SMARCA5: variants seen among roughly 807,000 people sequenced by gnomAD.
SMARCA5 encodes the protein SWI/SNF-related matrix-associated actin-dependent regulator of chromatin subfamily A member 5.
A neutral mutation model predicts 140.4 loss-of-function variants in SMARCA5; 18 were observed. The ratio of observed to expected loss-of-function variants is 0.13; its 90% CI spans 0.09 to 0.19. SMARCA5 has a LOEUF of 0.19. SMARCA5 is among the 10% of genes least tolerant of loss of function. The probability of loss-of-function intolerance (pLI) is 1.00; values close to 1 mark genes in which losing one functional copy is unlikely to be tolerated. For synonymous variants in SMARCA5, 449 were observed against 419.6 expected, an observed-to-expected ratio of 1.07 and a Z score of -0.86; for missense variants, 606 against 1,276.8, an observed-to-expected ratio of 0.47 and a Z score of 8.01.
At chr4:143,538,310 G>T (rs77582136) in intron 11 of SMARCA5, among the ~76,000 whole-genome samples, 3,529 of 152,202 alleles carry the variant, frequency 0.023, 54 homozygotes, top group South Asian at 0.055. Context: ...TGTATATGGG[G>T]TAACAAGATA....
At chr4:143,547,578 T>C (rs878927515) in intron 21 of SMARCA5, 75 bp downstream of exon 21, 3 of 801,504 alleles carry the variant, frequency 3.7e-6, no homozygotes, top group Admixed American at 2.1e-5. Flanking sequence ...TGACTTTTTA[T>C]AAAGGAAAAG....
chr4:143,514,191 G>C (rs770469685), intron 1 of SMARCA5, 90 bp downstream of exon 1: 20 of 1,233,782 alleles, frequency 1.6e-5, no homozygotes, highest in Non-Finnish European at 1.7e-5. Flanking sequence ...CGCAGAGCCG[G>C]GTTTCTCTCT....
rs751266785 is a variant in SMARCA5, at chr4:143,550,042, G to C, written c.3031G>C (p.Glu1011Gln). 6.3e-7 allele frequency: 1 copy of C among 1,594,940 alleles called. No homozygotes were observed. The highest frequency in any genetic ancestry group is 8.5e-7 in the Non-Finnish European group (1 of 1,173,232). Residue 1011 changes from glutamate to glutamine, a missense_variant, in exon 23 of 24, where the codon GAA becomes CAA. Transcript: ENST00000283131. Reference sequence around the variant, plus strand: ...TACCTTAATTACTTTGATTGAAAGAGAAAACATGGAACTAGAAGAAAAGGA... The same window carrying C: ...TACCTTAATTACTTTGATTGAAAGACAAAACATGGAACTAGAAGAAAAGGA... Reference protein sequence around the residue: ...CNTLITLIERENMELEEKEKA... With the variant: ...CNTLITLIERQNMELEEKEKA...
intron 10 of SMARCA5, among the ~76,000 whole-genome samples, chr4:143,536,089 T>A (rs1005605252): frequency 1.1e-4 from 16 of 152,190 alleles, no homozygotes; most frequent in African/African-American, 3.9e-4. Flanking sequence ...GCACTTTCTG[T>A]TGCAAAAAAA....
Position 143,554,394 on chromosome 4 carries a change from TTTAA to T in SMARCA5, c.*1213_*1216del, listed in dbSNP as rs1383730936. The T allele has an allele frequency of 4.6e-5, 7 of 152,192 alleles. No individual in the cohort carries two copies. Among genetic ancestry groups the T allele is most frequent in the Non-Finnish European group, 7.3e-5 (5 of 68,028 alleles). 9.4% of individuals were successfully genotyped at this position (152,192 alleles called of 1,614,324 possible). ...TAAAGTGGTCTTTTCTTTCCATTTC[TTTAA>T]TTGTTTTCTCAATTTTTATTCACTT... is the stretch of plus-strand genomic sequence containing the variant. On this transcript the variant is annotated 3_prime_UTR_variant, in exon 24 of 24. Transcript: ENST00000283131.
At chr4:143,519,812 A>G (rs971359516) in intron 2 of SMARCA5, among the ~76,000 whole-genome samples, 4 of 152,110 alleles carry the variant, frequency 2.6e-5, no homozygotes, top group Admixed American at 6.6e-5. Context: ...TTTATTGCCT[A>G]TCAGTCTCAT....
In SMARCA5 at chr4:143,540,554, G is replaced by C; in HGVS notation, c.1903+59G>C. 19 of 1,516,576 alleles carry C rather than the reference G, an allele frequency of 1.3e-5. No homozygotes were observed. In the South Asian group the frequency reaches 2.3e-4, roughly 18 times the overall value. The allele number at this position is 1,516,576 out of a possible 1,614,324, so 93.9% of individuals were successfully genotyped here. ...GGATTGACACAACCTGTTTTTGTTT[G>C]AAAATCGTCTTAGAAGATTCTTGTT... is the stretch of plus-strand genomic sequence containing the variant. On this transcript the variant is annotated intron_variant, in intron 14 of 23. Transcript: ENST00000283131.
chr4:143,539,543 T>C (rs1025457340), intron 13 of SMARCA5, among the ~76,000 whole-genome samples: 3 of 151,672 alleles, frequency 2.0e-5, no homozygotes, highest in Non-Finnish European at 4.4e-5. Context: ...CTTTCTTTTT[T>C]TTTTTTTTTT....
At chr4:143,528,511 C>T (rs1737120253) in intron 7 of SMARCA5, 72 bp from the exon 8 acceptor site, 4 of 1,362,282 alleles carry the variant, frequency 2.9e-6, no homozygotes, top group Non-Finnish European at 4.0e-6. Context: ...TGTGTTGGTT[C>T]CAGGTCTTTG....
At chr4:143,522,548 A>C (rs900886476) in intron 3 of SMARCA5, among the ~76,000 whole-genome samples, 1 of 152,256 alleles carries the variant, frequency 6.6e-6, no homozygotes, top group African/African-American at 2.4e-5. Flanking sequence ...CGTTGTAAGC[A>C]TAATACCTTT....
chr4:143,541,816 C>T (rs1485595855), intron 14 of SMARCA5, among the ~76,000 whole-genome samples: 1 of 152,038 alleles, frequency 6.6e-6, no homozygotes, highest in Non-Finnish European at 1.5e-5. Context: ...TTGAAATACA[C>T]CTGCCGTGTG....
intron 3 of SMARCA5, among the ~76,000 whole-genome samples, chr4:143,521,851 G>A (rs1736965994): frequency 8.1e-6 from 1 of 123,012 alleles, no homozygotes; most frequent in South Asian, 2.8e-4. Flanking sequence ...GAGTCCGGGA[G>A]TATGAGAGCA....
intron 1 of SMARCA5, among the ~76,000 whole-genome samples, chr4:143,515,731 T>C (rs769447315): frequency 6.6e-5 from 10 of 152,148 alleles, no homozygotes; most frequent in Non-Finnish European, 1.0e-4. Context: ...TTAGTGATAT[T>C]TTCATTTGCC....
rs1737694290 is a variant in SMARCA5 at position 143,553,824 on chromosome 4, A to G, written c.*640A>G. The G allele has an allele frequency of 6.6e-6, 1 of 152,012 alleles. No homozygotes were observed. The allele number at this position is 152,012 out of a possible 1,614,324, so 9.4% of individuals were successfully genotyped here. A position where few individuals can be genotyped will look rare whatever the true frequency, so the allele number is the denominator to read the frequency against. The stretch of plus-strand genomic sequence containing the variant: ...GAATGGCCTTTTAGTTGTATAGCCA[A>G]AGACATTTAGTATTTTCCGGTTCCT... On this transcript the variant is annotated 3_prime_UTR_variant, in exon 24 of 24. Transcript: ENST00000283131.
chr4:143,549,174 TA>T (rs1737590548), intron 22 of SMARCA5, among the ~76,000 whole-genome samples: 2 of 152,096 alleles, frequency 1.3e-5, no homozygotes, highest in South Asian at 4.1e-4. Flanking sequence ...AAAACTGTGT[TA>T]CTTCTTAACA....
chr4:143,544,935 G>C (rs141721929), intron 17 of SMARCA5, 88 bp downstream of exon 17: 7 of 597,764 alleles, frequency 1.2e-5, no homozygotes, highest in Middle Eastern at 5.5e-4. Context: ...TTGATAATTA[G>C]ATTTTGTGTT....
chr4:143,526,202 T>C, intron 5 of SMARCA5, 79 bp from the exon 6 acceptor site: 1 of 1,140,028 alleles, frequency 8.8e-7, no homozygotes, highest in Non-Finnish European at 1.3e-6. Context: ...CTTTTGAACA[T>C]TTCTATATGT....
At chr4:143,550,957 T>C (rs1308883411) in intron 23 of SMARCA5, among the ~76,000 whole-genome samples, 1 of 151,770 alleles carries the variant, frequency 6.6e-6, no homozygotes, top group Non-Finnish European at 1.5e-5. Flanking sequence ...AGGGTAACTC[T>C]TATCTGTAGT....
At chr4:143,544,590 T>G in intron 16 of SMARCA5, 147 bp from the exon 17 acceptor site, 1 of 509,186 alleles carries the variant, frequency 2.0e-6, no homozygotes. Flanking sequence ...TACATAATAT[T>G]GAGCAAAGTA....
Sources: allele counts gnomAD v4.1 joint callset (sites outside exome capture counted in the v4.1 genomes callset), GRCh38; gene constraint gnomAD v4.1.1; transcripts MANE v1.5; gene names NCBI Gene and HGNC (gene_info 2026-07-23, HGNC 2026-07-21).